The following SNX4 variants were observed in gnomAD, a reference collection of about 807,000 sequenced individuals.
SNX4 encodes sorting nexin 4.
In SNX4, 49 loss-of-function variants were observed where a neutral mutation model predicts 70.8. That is an observed-to-expected ratio of 0.69 (90% CI 0.55 to 0.88). SNX4 has a LOEUF of 0.88. Among genes scored for constraint, SNX4 ranks in the 40% least tolerant of loss-of-function variants. The pLI is 0.00. For missense variants in SNX4, 528 were observed against 544.8 expected, an observed-to-expected ratio of 0.97 and a Z score of 0.31; for synonymous variants, 206 against 183.8, an observed-to-expected ratio of 1.12 and a Z score of -0.98.
intron 1 of SNX4, among the ~76,000 whole-genome samples, chr3:125,511,940 C>T (rs1935181830): frequency 6.6e-6 from 1 of 151,736 alleles, no homozygotes; most frequent in Non-Finnish European, 1.5e-5. Context: ...TCTCCCAAAA[C>T]GTACAGGAAA....
chr3:125,495,275 T>TATACACACACAC (rs1553727790), intron 5 of SNX4, among the ~76,000 whole-genome samples: 1 of 83,046 alleles, frequency 1.2e-5, no homozygotes, highest in African/African-American at 3.6e-5. Context: ...TATATATATA[T>TATACACACACAC]ATACACATAC....
chr3:125,509,568 A>G (rs962172253), intron 1 of SNX4, among the ~76,000 whole-genome samples: 1 of 151,950 alleles, frequency 6.6e-6, no homozygotes, highest in African/African-American at 2.4e-5. Context: ...CCTAGCCAAC[A>G]TGGTGAAACC....
intron 8 of SNX4, among the ~76,000 whole-genome samples, chr3:125,475,134 A>G (rs959607953): frequency 6.6e-6 from 1 of 152,180 alleles, no homozygotes; most frequent in African/African-American, 2.4e-5. Context: ...TCTTTTAATT[A>G]AAAAAGTCAT....
At chr3:125,476,614 CT>C in intron 8 of SNX4, 80 bp downstream of exon 8, 1 of 858,802 alleles carries the variant, frequency 1.2e-6, no homozygotes, top group Admixed American at 2.1e-5. Context: ...TCTCTCCACA[CT>C]CATAAATGTT....
chr3:125,451,868 C>T (rs1374997639), intron 12 of SNX4, among the ~76,000 whole-genome samples: 1 of 152,152 alleles, frequency 6.6e-6, no homozygotes, highest in Non-Finnish European at 1.5e-5. Context: ...CTCAGGTGAT[C>T]TGCCCACCTC....
chr3:125,500,799 CAAAAAAAAAAAAAAAA>C (rs770336677), intron 2 of SNX4, among the ~76,000 whole-genome samples: 5 of 29,298 alleles, frequency 1.7e-4, no homozygotes, highest in African/African-American at 2.6e-4. Context: ...GACTCCGTCT[CAAAAAAAAAAAAAAAA>C]AAAAAAAAAA....
chr3:125,474,136 G>GT (rs1934238932), intron 8 of SNX4, among the ~76,000 whole-genome samples: 2 of 151,904 alleles, frequency 1.3e-5, no homozygotes, highest in African/African-American at 4.8e-5. Flanking sequence ...ACCTACCATG[G>GT]TAACAGGAGC....
chr3:125,471,590 A>G (rs1420197793), intron 8 of SNX4, among the ~76,000 whole-genome samples: 1 of 152,166 alleles, frequency 6.6e-6, no homozygotes, highest in Non-Finnish European at 1.5e-5. Flanking sequence ...TTGCTTCCAT[A>G]TGGATTCACA....
chr3:125,500,152 T>G (rs550244132), intron 2 of SNX4, among the ~76,000 whole-genome samples: 5 of 152,182 alleles, frequency 3.3e-5, no homozygotes, highest in African/African-American at 4.8e-5. Flanking sequence ...GAGAAGACTT[T>G]CATTAGACCC....
In SNX4 at chr3:125,497,895, AAG is replaced by A. The variant is rs1934834290; in HGVS notation, c.486_487del (p.Leu163GlufsTer10). ...AAGGATGGGATGTGAAGCAATCCTC[AAG>A]AGAAAGTTTTCTAAACCAATCCGTC... is the stretch of plus-strand genomic sequence containing the variant. On this transcript the variant is annotated frameshift_variant, in exon 4 of 14. Coordinates refer to ENST00000251775, the MANE Select transcript of SNX4 (RefSeq NM_003794.4). LOFTEE classifies it high-confidence loss of function. 2.5e-6 allele frequency: 4 copies of A among 1,614,068 alleles called. No individual in the cohort carries two copies. The highest frequency in any genetic ancestry group is 3.3e-5 in the Admixed American group (2 of 60,006).
At chr3:125,489,735 C>G (rs1167496369) in intron 5 of SNX4, among the ~76,000 whole-genome samples, 1 of 152,176 alleles carries the variant, frequency 6.6e-6, no homozygotes, top group Non-Finnish European at 1.5e-5. Flanking sequence ...AGGCATATAG[C>G]TCTGCATTAT....
Position 125,509,059 on chromosome 3 carries a change from G to A in SNX4, c.142-4315C>T, listed in dbSNP as rs143129207. Reference sequence around the variant, plus strand: ...AAAAGACAATATTAACAGGCCAGGCGTGGTGGCTCATGCCTGTAATCTCAG... The same window carrying A: ...AAAAGACAATATTAACAGGCCAGGCATGGTGGCTCATGCCTGTAATCTCAG... On this transcript the variant is annotated intron_variant, in intron 1 of 13. Transcript: ENST00000251775. 9.2e-5 allele frequency among the ~76,000 whole-genome samples: 14 copies of A among 152,228 alleles called. No homozygotes were observed. In the East Asian group the frequency reaches 2.1e-3, roughly 23 times the overall value.
At position 125,486,888 on chromosome 3, in the gene SNX4, AAT is replaced by A. The variant is rs556187348; in HGVS notation, c.653+2518_653+2519del. ...CAACACAGTGAGACTGCATCTCAAA[AAT>A]ATATATATATGTGTGTGTATACATA... On this transcript the variant is annotated intron_variant, in intron 6 of 13. Coordinates refer to ENST00000251775, the MANE Select transcript of SNX4 (RefSeq NM_003794.4). Among the ~76,000 whole-genome samples the A allele has an allele frequency of 1.6e-4, 25 of 151,966 alleles. No individual in the cohort carries two copies. The South Asian group carries it at 5.0e-3, about 30-fold the overall frequency.
rs1398093112 is a variant in SNX4 at position 125,457,273 on chromosome 3, A to G, written c.1037T>C (p.Val346Ala). ...ASKKQQCEELVTGTVRTFSLK... is the reference protein window; with the variant it reads ...ASKKQQCEELATGTVRTFSLK... ...CAAAAGGAAAATACTCACCCCAGTT[A>G]CCAGTTCCTCACACTGCTGCTTCTT... The change falls in exon 11 of 14, where the codon GTA (valine) becomes GCA (alanine). Residue 346 changes from valine to alanine, a missense_variant. Physicochemically the swap from Val to Ala is moderately conservative, Grantham distance 64 (BLOSUM62 0). Around this residue, in one of 3 missense-constraint regions of SNX4, gnomAD observed 159 missense variants for 172.6 expected, o/e 0.92. Transcript: ENST00000251775. The G allele has an allele frequency of 1.2e-6, 2 of 1,612,474 alleles. No individual in the cohort carries two copies. The highest frequency in any genetic ancestry group is 1.3e-5 in the African/African-American group (1 of 74,898).
At chr3:125,459,012 A>G (rs1933807065) in intron 10 of SNX4, among the ~76,000 whole-genome samples, 1 of 151,830 alleles carries the variant, frequency 6.6e-6, no homozygotes, top group South Asian at 2.1e-4. Flanking sequence ...CATCTCTACT[A>G]AAAATACAAA....
chr3:125,503,851 C>T (rs897539959), intron 2 of SNX4, among the ~76,000 whole-genome samples: 1 of 152,152 alleles, frequency 6.6e-6, no homozygotes, highest in Non-Finnish European at 1.5e-5. Flanking sequence ...TAAAATATAG[C>T]TATCTACCAA....
At chr3:125,476,128 G>A (rs570488177) in intron 8 of SNX4, among the ~76,000 whole-genome samples, 6 of 151,690 alleles carry the variant, frequency 4.0e-5, no homozygotes, top group East Asian at 3.9e-4. Context: ...ATAGCCAGGT[G>A]TGGTGGCAGG....
chr3:125,497,730 G>T, intron 4 of SNX4, 104 bp downstream of exon 4: 1 of 765,568 alleles, frequency 1.3e-6, no homozygotes, highest in Non-Finnish European at 2.0e-6. Flanking sequence ...AAAATAAATT[G>T]CATATAAATT....
intron 5 of SNX4, among the ~76,000 whole-genome samples, chr3:125,495,645 C>A (rs1431277692): frequency 2.0e-5 from 3 of 152,016 alleles, no homozygotes; most frequent in African/African-American, 4.8e-5. Flanking sequence ...TGGTAAATAG[C>A]AATTTTATAA....
Sources: allele counts gnomAD v4.1 joint callset (sites outside exome capture counted in the v4.1 genomes callset), GRCh38; gene constraint gnomAD v4.1.1; regional missense constraint gnomAD v4.1.1; transcripts MANE v1.5; gene names NCBI Gene and HGNC (gene_info 2026-07-23, HGNC 2026-07-21).